Variants in CDH17 observed in about 807,000 individuals in gnomAD.
The protein encoded by CDH17 is cadherin 17, also known as cadherin-17.
In CDH17, 67 loss-of-function variants were observed where a neutral mutation model predicts 86.3. That is an observed-to-expected ratio of 0.78 (90% CI 0.64 to 0.95). CDH17 has a LOEUF of 0.95. CDH17 is among the 40% of genes least tolerant of loss of function. The pLI is 0.00. For synonymous variants in CDH17, 367 were observed against 366.4 expected (o/e 1.00, Z -0.02); for missense variants, 993 against 1,017.6 (o/e 0.98, Z 0.33).
chr8:94,189,384 A>G, intron 2 of CDH17, 99 bp from the exon 3 acceptor site: 1 of 801,508 alleles, frequency 1.2e-6, no homozygotes, highest in Non-Finnish European at 2.0e-6. Context: ...AAAACATAGG[A>G]TTCTATCATG....
intron 1 of CDH17, among the ~76,000 whole-genome samples, chr8:94,196,824 CG>C (rs1279404874): frequency 6.6e-6 from 1 of 152,162 alleles, no homozygotes; most frequent in East Asian, 1.9e-4. Context: ...ATGTTCAACA[CG>C]GCGGCTCCAT....
intron 2 of CDH17, among the ~76,000 whole-genome samples, chr8:94,191,674 GAA>G (rs1475732620): frequency 6.6e-6 from 1 of 151,864 alleles, no homozygotes; most frequent in Non-Finnish European, 1.5e-5. Context: ...GGCTGGTCTC[GAA>G]CTCCTGACCT....
At chr8:94,191,733 CA>C (rs1813694856) in intron 2 of CDH17, among the ~76,000 whole-genome samples, 1 of 152,184 alleles carries the variant, frequency 6.6e-6, no homozygotes, top group Non-Finnish European at 1.5e-5. Context: ...GGATTACAGG[CA>C]TGAGCAACCA....
intron 15 of CDH17, among the ~76,000 whole-genome samples, chr8:94,137,185 C>G (rs890858629): frequency 3.3e-5 from 5 of 152,184 alleles, no homozygotes; most frequent in African/African-American, 1.2e-4. Context: ...AGCTGTCAGA[C>G]AGGGATGTTT....
Position 94,170,864 on chromosome 8 carries a change from T to A in CDH17, c.905A>T (p.Glu302Val), listed in dbSNP as rs781252175. ...TTCTCTTTTACTCACTGCATCCTTT[T>A]CTTCTCGGTCCAAGGGCTGAGTCAC... ...IYVTQPLDRE[E>V]KDAYVFYAVA... Residue 302 changes from glutamate (E) to valine (V), a missense_variant, in exon 8 of 18, where the codon GAA (glutamate) becomes GTA (valine). Physicochemically the swap from Glu to Val is moderately radical, Grantham distance 121. Transcript: ENST00000027335. The A allele has an allele frequency of 3.6e-5, 58 of 1,613,636 alleles. No homozygotes were observed. The highest frequency in any genetic ancestry group is 4.2e-5 in the Non-Finnish European group (49 of 1,179,802).
chr8:94,133,404 G>C (rs1452168852), intron 15 of CDH17, among the ~76,000 whole-genome samples: 1 of 152,098 alleles, frequency 6.6e-6, no homozygotes, highest in South Asian at 2.1e-4. Flanking sequence ...GGATTCCTAG[G>C]TATTTTATTC....
intron 12 of CDH17, among the ~76,000 whole-genome samples, chr8:94,156,240 G>A (rs1485996101): frequency 1.3e-5 from 2 of 152,142 alleles, no homozygotes. Context: ...GTTGAGACTG[G>A]GATATTTACA....
intron 15 of CDH17, among the ~76,000 whole-genome samples, chr8:94,140,490 CAA>C (rs1440467096): frequency 1.3e-5 from 2 of 151,690 alleles, no homozygotes; most frequent in Non-Finnish European, 2.9e-5. Context: ...GCCTGTTTAA[CAA>C]AAAGATCTCA....
chr8:94,212,652 C>T (rs569423525), upstream of CDH17, among the ~76,000 whole-genome samples: 84 of 152,244 alleles, frequency 5.5e-4, no homozygotes, highest in Admixed American at 1.2e-3. Flanking sequence ...AGCCACCTTG[C>T]GATATTCTGA....
chr8:94,196,620 A>T (rs761278223), intron 1 of CDH17, among the ~76,000 whole-genome samples: 1 of 152,074 alleles, frequency 6.6e-6, no homozygotes, highest in Non-Finnish European at 1.5e-5. Context: ...GCTGGAAATA[A>T]ATTATTTAGG....
In CDH17 at chr8:94,151,854, C is replaced by T. The variant is rs1158951956; in HGVS notation, c.1796+14G>A. 1 of 1,614,036 alleles carries T rather than the reference C, an allele frequency of 6.2e-7. No individual in the cohort carries two copies. On this transcript the variant is annotated intron_variant, in intron 13 of 17. Transcript: ENST00000027335. ...ACCACGCAGCCAGGCCTGCCCAGCA[C>T]TGTTGCCCTTTACCTTATGTCCAGA...
At chr8:94,136,459 G>A (rs1052161733) in intron 15 of CDH17, among the ~76,000 whole-genome samples, 9 of 152,052 alleles carry the variant, frequency 5.9e-5, no homozygotes, top group Admixed American at 4.6e-4. Context: ...CATGCATCAC[G>A]AAGTTCTCCT....
chr8:94,149,703 A>G (rs1812821964), intron 13 of CDH17, among the ~76,000 whole-genome samples: 1 of 152,220 alleles, frequency 6.6e-6, no homozygotes, highest in Admixed American at 6.5e-5. Flanking sequence ...GTGAAGCCAC[A>G]GAGATTTGAA....
chr8:94,155,412 A>C (rs573422055), intron 12 of CDH17, among the ~76,000 whole-genome samples: 18 of 151,992 alleles, frequency 1.2e-4, no homozygotes, highest in Non-Finnish European at 2.6e-4. Flanking sequence ...GACAAAGGAC[A>C]CAGCTCTCTG....
At chr8:94,197,829 T>TAAA (rs34799637) in intron 1 of CDH17, among the ~76,000 whole-genome samples, 4 of 121,390 alleles carry the variant, frequency 3.3e-5, no homozygotes, top group African/African-American at 9.1e-5. Flanking sequence ...AGACTCTGTC[T>TAAA]AAAAAAAAAA....
rs1387182561 is a variant in CDH17 at position 94,200,532 on chromosome 8, C to CTTTTTTTTT, written c.-20-5828_-20-5827insAAAAAAAAA. On this transcript the variant is annotated intron_variant, in intron 1 of 17. Coordinates refer to ENST00000027335, the MANE Select transcript of CDH17 (RefSeq NM_004063.4). ...TAGATCAGAGGGTTATTATTATTAT[C>CTTTTTTTTT]TTTTGTTTTTTTTTTTTTTTTTTTT... 3.4e-4 allele frequency among the ~76,000 whole-genome samples: 17 copies of CTTTTTTTTT among 50,242 alleles called. 5 individuals are homozygous for CTTTTTTTTT. The highest frequency in any genetic ancestry group is 1.1e-3 in the African/African-American group (14 of 12,802). 33.0% of individuals were successfully genotyped at this position (50,242 alleles called of 152,430 possible).
intron 1 of CDH17, among the ~76,000 whole-genome samples, chr8:94,215,044 A>T (rs1247810778): frequency 1.3e-5 from 2 of 152,238 alleles, no homozygotes; most frequent in African/African-American, 4.8e-5. Context: ...TTCTGGTGGG[A>T]ATGTAAAATA....
intron 12 of CDH17, among the ~76,000 whole-genome samples, chr8:94,154,671 C>A (rs1586246581): frequency 6.6e-6 from 1 of 152,192 alleles, no homozygotes; most frequent in African/African-American, 2.4e-5. Context: ...GTGTCGGCTT[C>A]CTGATCCCTA....
At chr8:94,178,097 G>A (rs1451170706) in intron 3 of CDH17, among the ~76,000 whole-genome samples, 1 of 152,160 alleles carries the variant, frequency 6.6e-6, no homozygotes, top group Non-Finnish European at 1.5e-5. Context: ...TCTAAAAATT[G>A]TGACAAAGAT....
Sources: allele counts gnomAD v4.1 joint callset (sites outside exome capture counted in the v4.1 genomes callset), GRCh38; gene constraint gnomAD v4.1.1; transcripts MANE v1.5; gene names NCBI Gene and HGNC (gene_info 2026-07-23, HGNC 2026-07-21).